ZC4H2: variants seen among roughly 807,000 people sequenced by gnomAD.
ZC4H2 encodes zinc finger C4H2 domain-containing protein.
For synonymous variants in ZC4H2, 84 were observed against 66.3 expected (o/e 1.27, Z -1.30); for missense variants, 137 against 173.9 (o/e 0.79, Z 1.19).
upstream of ZC4H2, among the ~76,000 whole-genome samples, chrX:64,980,866 G>GA (rs199519129): frequency 8.5e-3 from 916 of 107,741 alleles, 4 homozygotes; most frequent in African/African-American, 0.011. Context: ...TGACAGAAAA[G>GA]AAAAAAAAAT....
upstream of ZC4H2, among the ~76,000 whole-genome samples, chrX:64,978,253 T>C (rs1426775706): frequency 8.9e-6 from 1 of 112,013 alleles, no homozygotes; most frequent in Non-Finnish European, 1.9e-5. Context: ...TCCACAGTGA[T>C]TTTAAGCATT....
At chrX:64,976,787 T>C, upstream of ZC4H2, among the ~76,000 whole-genome samples, 1 of 111,347 alleles carries the variant, frequency 9.0e-6, no homozygotes. Flanking sequence ...CCCTCGCACC[T>C]ACCCACCCGC....
In ZC4H2 at chrX:65,033,451, G is replaced by T. The variant is rs746948643; in HGVS notation, c.-272+1178C>A. Reference sequence around the variant, plus strand: ...ACCCAGGTGAACCTTTGGGAAATATGTCTAAGCACTTTATAGATCTAGATG... The same window carrying T: ...ACCCAGGTGAACCTTTGGGAAATATTTCTAAGCACTTTATAGATCTAGATG... On this transcript the variant is annotated intron_variant, in intron 1 of 4. Transcript: ENST00000337990. Among the ~76,000 whole-genome samples, 4 of 112,006 alleles carry T rather than the reference G, an allele frequency of 3.6e-5. No individual in the cohort carries two copies. The South Asian group carries it at 1.5e-3, about 42-fold the overall frequency.
chrX:64,948,502 C>G (rs1312263361), intron 1 of ZC4H2, among the ~76,000 whole-genome samples: 1 of 111,571 alleles, frequency 9.0e-6, no homozygotes, highest in Admixed American at 9.6e-5. Flanking sequence ...ATTTTAGGTA[C>G]AAATTTAATT....
At chrX:64,930,541 T>A (rs1929693151) in intron 1 of ZC4H2, among the ~76,000 whole-genome samples, 1 of 111,916 alleles carries the variant, frequency 8.9e-6, no homozygotes, top group Admixed American at 9.5e-5. Context: ...GAGGTATGTC[T>A]CTTCTATGCC....
chrX:64,977,932 T>C (rs1037765307), upstream of ZC4H2, among the ~76,000 whole-genome samples: 2 of 111,810 alleles, frequency 1.8e-5, no homozygotes, highest in Non-Finnish European at 3.8e-5. Context: ...GGAGAATGAT[T>C]AGAGGACATG....
intron 1 of ZC4H2, among the ~76,000 whole-genome samples, chrX:65,023,551 A>G (rs1005765190): frequency 8.9e-6 from 1 of 111,951 alleles, no homozygotes; most frequent in African/African-American, 3.3e-5. Flanking sequence ...TCAAAACCAC[A>G]ATGAGATACC....
intron 1 of ZC4H2, among the ~76,000 whole-genome samples, chrX:65,003,125 CAA>C (rs34863152): frequency 2.5e-4 from 22 of 87,563 alleles, no homozygotes; most frequent in African/African-American, 7.0e-4. Context: ...GTCTGAAATT[CAA>C]AAAAAAAAAA....
chrX:64,954,382 A>G (rs1931062838), intron 1 of ZC4H2, among the ~76,000 whole-genome samples: 1 of 75,314 alleles, frequency 1.3e-5, no homozygotes, highest in African/African-American at 9.8e-5. Context: ...AATTATATAT[A>G]TTTATAATTA....
intron 1 of ZC4H2, among the ~76,000 whole-genome samples, chrX:64,952,699 C>T (rs1279139586): frequency 9.1e-6 from 1 of 110,018 alleles, no homozygotes; most frequent in African/African-American, 3.3e-5. Context: ...ACATTCCATG[C>T]ACATGGATAG....
chrX:64,932,804 T>G (rs1929819432), intron 1 of ZC4H2, among the ~76,000 whole-genome samples: 1 of 111,433 alleles, frequency 9.0e-6, no homozygotes, highest in East Asian at 2.8e-4. Context: ...TTTTTTAATC[T>G]TGACTTTAGA....
intron 1 of ZC4H2, among the ~76,000 whole-genome samples, chrX:64,943,969 C>A (rs1380565585): frequency 9.1e-6 from 1 of 110,161 alleles, no homozygotes; most frequent in Non-Finnish European, 1.9e-5. Flanking sequence ...TGGCTGGTAC[C>A]AGTTTTTCCC....
At chrX:64,980,503 T>C (rs1462602567), upstream of ZC4H2, among the ~76,000 whole-genome samples, 1 of 111,829 alleles carries the variant, frequency 8.9e-6, no homozygotes, top group African/African-American at 3.3e-5. Flanking sequence ...GTATCGAGGA[T>C]TAATTCATGC....
At chrX:64,992,086 T>C (rs181700229) in intron 1 of ZC4H2, among the ~76,000 whole-genome samples, 3 of 111,712 alleles carry the variant, frequency 2.7e-5, no homozygotes, top group Admixed American at 9.5e-5. Flanking sequence ...TAGATAGTCA[T>C]GATGGTTCCA....
chrX:64,921,801 C>T lies in ZC4H2; in HGVS notation c.225+16G>A, dbSNP rs753687916. On this transcript the variant is annotated intron_variant, in intron 2 of 4. Transcript: ENST00000374839. The stretch of plus-strand genomic sequence containing the variant: ...TTCTCAAAGGCTTTAGAGATAGGCT[C>T]CAGGCAGCCACGTACCACATTGATG... The T allele has an allele frequency of 3.3e-6, 4 of 1,206,897 alleles. No homozygotes were observed. The highest frequency in any genetic ancestry group is 2.2e-5 in the Admixed American group (1 of 45,571).
chrX:64,961,431 T>A (rs1458940505), intron 1 of ZC4H2, among the ~76,000 whole-genome samples: 2 of 111,401 alleles, frequency 1.8e-5, no homozygotes, highest in East Asian at 5.6e-4. Flanking sequence ...TTTATTTGAA[T>A]CTTTTTTATT....
At chrX:64,947,129 G>A (rs769330262) in intron 1 of ZC4H2, among the ~76,000 whole-genome samples, 1 of 112,148 alleles carries the variant, frequency 8.9e-6, no homozygotes, top group South Asian at 3.7e-4. Flanking sequence ...GTCCAAGCGT[G>A]TGTAGATTTT....
chrX:64,961,028 C>T (rs1931368369), intron 1 of ZC4H2, among the ~76,000 whole-genome samples: 1 of 111,113 alleles, frequency 9.0e-6, no homozygotes, highest in Admixed American at 9.6e-5. Flanking sequence ...ACTGTTCCAT[C>T]CATTATTAAA....
chrX:64,989,245 A>G (rs1283135382), intron 1 of ZC4H2, among the ~76,000 whole-genome samples: 1 of 111,868 alleles, frequency 8.9e-6, no homozygotes, highest in Non-Finnish European at 1.9e-5. Flanking sequence ...GTTTTTTCCA[A>G]TTCTGTGAAG....
Sources: gnomAD v4.1 joint callset for allele counts (sites outside exome capture counted in the v4.1 genomes callset) on GRCh38, gnomAD v4.1.1 for gene constraint, MANE v1.5 for transcripts, NCBI Gene and HGNC (gene_info 2026-07-23, HGNC 2026-07-21) for gene names.